The following PGAP4 variants were observed in gnomAD, a reference collection of about 807,000 sequenced individuals.
The protein encoded by PGAP4 is post-GPI attachment to proteins GalNAc transferase 4, also known as GPI-N-acetylgalactosamine transferase PGAP4.
PGAP4 carries 12 observed loss-of-function variants against 28.2 expected under a neutral mutation model. That is an observed-to-expected ratio of 0.42 (90% CI 0.27 to 0.69). PGAP4 has a LOEUF of 0.69. Among genes scored for constraint, PGAP4 ranks in the 30% least tolerant of loss-of-function variants. The pLI, the probability that PGAP4 is intolerant of heterozygous loss-of-function variation, is 0.22. For missense variants in PGAP4, 425 were observed against 513.5 expected (o/e 0.83, Z 1.67); for synonymous variants, 205 against 211.8 (o/e 0.97, Z 0.28).
intron 2 of PGAP4, among the ~76,000 whole-genome samples, chr9:101,519,182 G>A (rs1053757351): frequency 1.3e-5 from 2 of 151,924 alleles, no homozygotes; most frequent in Non-Finnish European, 2.9e-5. Context: ...TTTTTAGATG[G>A]AGTCTTGCTC....
rs557753073 is a variant in PGAP4 at position 101,499,979 on chromosome 9, A to G, written c.-164-10779T>C. Among the ~76,000 whole-genome samples, 10 of 151,952 alleles carry G rather than the reference A, an allele frequency of 6.6e-5. No homozygotes were observed. In the South Asian group the frequency reaches 1.9e-3, roughly 28 times the overall value. ...TGAGAAATTAATATTAATATAATAT[A>G]TTATCTAATATACAGCCCTTGTTTA... is the stretch of plus-strand genomic sequence containing the variant. On this transcript the variant is annotated intron_variant, in intron 2 of 3. Coordinates refer to the PGAP4 transcript ENST00000374851.
At chr9:101,527,847 G>T (rs1479536302) in intron 2 of PGAP4, among the ~76,000 whole-genome samples, 1 of 152,106 alleles carries the variant, frequency 6.6e-6, no homozygotes, top group African/African-American at 2.4e-5. Flanking sequence ...GGCCCTCCTT[G>T]CTGTGTGTAT....
chr9:101,522,621 G>A (rs944272276), intron 2 of PGAP4, among the ~76,000 whole-genome samples: 2 of 152,106 alleles, frequency 1.3e-5, no homozygotes, highest in African/African-American at 4.8e-5. Context: ...TGTGTAAGTT[G>A]AGTCTCCTGA....
intron 2 of PGAP4, among the ~76,000 whole-genome samples, chr9:101,521,945 T>C (rs143991438): frequency 6.5e-4 from 99 of 152,318 alleles, no homozygotes; most frequent in Non-Finnish European, 1.2e-3. Context: ...AATTTTTAAA[T>C]TTCCATCTTG....
intron 2 of PGAP4, among the ~76,000 whole-genome samples, chr9:101,522,074 G>C (rs1826993575): frequency 6.6e-6 from 1 of 152,124 alleles, no homozygotes; most frequent in Non-Finnish European, 1.5e-5. Flanking sequence ...TGGTCCAAGA[G>C]AGTGCTTGAT....
At chr9:101,493,456 A>G (rs976453469) in intron 2 of PGAP4, among the ~76,000 whole-genome samples, 2 of 152,162 alleles carry the variant, frequency 1.3e-5, no homozygotes, top group Non-Finnish European at 2.9e-5. Context: ...TATGCATGCA[A>G]CAAAATATCA....
chr9:101,490,128 A>G (rs189727023), upstream of PGAP4, among the ~76,000 whole-genome samples: 96 of 152,278 alleles, frequency 6.3e-4, no homozygotes, highest in Non-Finnish European at 1.3e-3. Flanking sequence ...AAGGCTCTTT[A>G]CAGAGGCCTC....
intron 2 of PGAP4, among the ~76,000 whole-genome samples, chr9:101,505,370 C>T (rs1279069932): frequency 2.0e-5 from 3 of 152,038 alleles, no homozygotes; most frequent in Non-Finnish European, 4.4e-5. Context: ...CAGATAGAAG[C>T]TTCTAAGAGA....
rs1564091868 is a variant in PGAP4, at chr9:101,477,238, A to AAAC, written c.-77-70_-77-69insGTT. On this transcript the variant is annotated intron_variant, in intron 1 of 1. Transcript: ENST00000374848. The stretch of plus-strand genomic sequence containing the variant: ...AACAAACAAACAAACAAACAAAAAA[A>AAAC]CAAAAGGACAAGAACTGAGCTCAGC... The AAAC allele has an allele frequency of 3.5e-4, 444 of 1,274,724 alleles. 2 individuals carry two copies. The African/African-American group carries it at 6.0e-3, about 17-fold the overall frequency. The allele number at this position is 1,274,724 out of a possible 1,614,324, so 79.0% of individuals were successfully genotyped here.
At chr9:101,528,466 C>A (rs1249733769) in intron 2 of PGAP4, among the ~76,000 whole-genome samples, 6 of 152,076 alleles carry the variant, frequency 3.9e-5, no homozygotes, top group Non-Finnish European at 8.8e-5. Flanking sequence ...ATGGTCATGC[C>A]ATGCTTCTGG....
chr9:101,500,020 C>T (rs1826783610), intron 2 of PGAP4, among the ~76,000 whole-genome samples: 1 of 151,784 alleles, frequency 6.6e-6, no homozygotes, highest in East Asian at 1.9e-4. Context: ...CATCATTTGT[C>T]TCACTAATAT....
intron 2 of PGAP4, among the ~76,000 whole-genome samples, chr9:101,527,966 T>A (rs1827050205): frequency 6.6e-6 from 1 of 152,176 alleles, no homozygotes; most frequent in Non-Finnish European, 1.5e-5. Context: ...GGAATTCCTG[T>A]AAGCTCCAAG....
At chr9:101,525,549 A>G (rs1484721986) in intron 2 of PGAP4, among the ~76,000 whole-genome samples, 4 of 152,030 alleles carry the variant, frequency 2.6e-5, no homozygotes, top group Non-Finnish European at 5.9e-5. Context: ...TCTACTAAAA[A>G]TACAAAAATT....
intron 2 of PGAP4, among the ~76,000 whole-genome samples, chr9:101,495,806 T>G (rs1826742071): frequency 6.9e-6 from 1 of 145,478 alleles, no homozygotes; most frequent in East Asian, 2.0e-4. Context: ...AATGTTTGAG[T>G]TTTTTTTTTA....
At chr9:101,530,354 T>G (rs917465513) in intron 2 of PGAP4, among the ~76,000 whole-genome samples, 1 of 152,118 alleles carries the variant, frequency 6.6e-6, no homozygotes, top group Non-Finnish European at 1.5e-5. Flanking sequence ...ATGACTTGGG[T>G]CCTTCAACAA....
At chr9:101,494,342 G>A (rs1181359379) in intron 2 of PGAP4, among the ~76,000 whole-genome samples, 1 of 151,682 alleles carries the variant, frequency 6.6e-6, no homozygotes, top group Non-Finnish European at 1.5e-5. Flanking sequence ...GAATCAACTA[G>A]GGAGAAAAAG....
chr9:101,476,012 C>T lies in PGAP4; in HGVS notation c.1081G>A (p.Gly361Ser). 6.2e-7 allele frequency: 1 copy of T among 1,614,178 alleles called. No individual in the cohort carries two copies. Among genetic ancestry groups the T allele is most frequent in the Non-Finnish European group, 8.5e-7 (1 of 1,180,040 alleles). ...LSQVYCHKGF[G>S]KDMALYSLLR... Reference sequence around the variant, plus strand: ...AGCGAGTACAGTGCCATGTCCTTGCCAAAGCCCTTGTGGCAGTACACTTGG... The same window carrying T: ...AGCGAGTACAGTGCCATGTCCTTGCTAAAGCCCTTGTGGCAGTACACTTGG... Residue 361 changes from glycine (G) to serine (S), a missense_variant, in exon 2 of 2, where the codon GGC becomes AGC. Gly to Ser is a moderately conservative substitution (Grantham distance 56). Transcript: ENST00000374848. The surrounding 1 kb of genome is among the most constrained non-coding windows in gnomAD (Gnocchi z 7.0).
Position 101,475,870 on chromosome 9 carries a change from C to A in PGAP4, c.*11G>T. 6.2e-7 allele frequency: 1 copy of A among 1,605,414 alleles called. No homozygotes were observed. ...GAAGTGGCCAACTTCAGAAAGGCAT[C>A]TCTTGGCACCCTAGAGGAGACTGGG... is the stretch of plus-strand genomic sequence containing the variant. On this transcript the variant is annotated 3_prime_UTR_variant, in exon 2 of 2. Transcript: ENST00000374848.
At chr9:101,512,277 C>T (rs1365414220) in intron 2 of PGAP4, among the ~76,000 whole-genome samples, 1 of 152,086 alleles carries the variant, frequency 6.6e-6, no homozygotes, top group Non-Finnish European at 1.5e-5. Flanking sequence ...CCTGCCCGTC[C>T]CAAAGGCCAG....
Sources: allele counts gnomAD v4.1 joint callset (sites outside exome capture counted in the v4.1 genomes callset), GRCh38; gene constraint gnomAD v4.1.1; non-coding constraint Gnocchi (gnomAD v3.1); transcripts MANE v1.5; gene names NCBI Gene and HGNC (gene_info 2026-07-23, HGNC 2026-07-21).